ZBTB20: variants seen among roughly 807,000 people sequenced by gnomAD.
ZBTB20 encodes zinc finger and BTB domain containing 20.
A neutral mutation model predicts 56.9 loss-of-function variants in ZBTB20; 9 were observed. The ratio of observed to expected loss-of-function variants is 0.16; its 90% confidence interval spans 0.10 to 0.28. The LOEUF (loss-of-function observed/expected upper bound fraction) is 0.28, where lower values mean the gene tolerates loss of function less well. Among genes scored for constraint, ZBTB20 ranks in the 10% least tolerant of loss-of-function variants. The pLI is 1.00. For missense variants in ZBTB20, 655 were observed against 1,003.0 expected, an observed-to-expected ratio of 0.65 and a Z score of 4.69; for synonymous variants, 417 against 420.7, an observed-to-expected ratio of 0.99 and a Z score of 0.11.
chr3:114,469,764 C>T (rs1373166584), intron 7 of ZBTB20, among the ~76,000 whole-genome samples: 1 of 152,182 alleles, frequency 6.6e-6, no homozygotes, highest in Non-Finnish European at 1.5e-5. Flanking sequence ...TATAACACTG[C>T]TTGTAATTCC....
chr3:114,764,566 T>G (rs3732481), intron 5 of ZBTB20, among the ~76,000 whole-genome samples: 23,070 of 152,160 alleles, frequency 0.15, 2,813 homozygotes, highest in African/African-American at 0.34. Flanking sequence ...TGCTCTAGTA[T>G]TATGTTTATT....
At chr3:114,764,884 C>T (rs78660378) in intron 5 of ZBTB20, among the ~76,000 whole-genome samples, 9,588 of 152,188 alleles carry the variant, frequency 0.063, 333 homozygotes, top group Middle Eastern at 0.13. Context: ...ATAAGGTACA[C>T]GCTGTTGCCC....
At chr3:114,815,903 C>G (rs2072882990) in intron 4 of ZBTB20, among the ~76,000 whole-genome samples, 1 of 150,700 alleles carries the variant, frequency 6.6e-6, no homozygotes, top group African/African-American at 2.4e-5. Flanking sequence ...AGATAACACT[C>G]TTTTTCTTTA....
chr3:115,039,994 T>C (rs1337527940), intron 2 of ZBTB20, among the ~76,000 whole-genome samples: 1 of 152,104 alleles, frequency 6.6e-6, no homozygotes, highest in Non-Finnish European at 1.5e-5. Context: ...ATGATAAGTA[T>C]GTGAGATGAT....
chr3:114,800,369 A>G (rs959702286), intron 5 of ZBTB20, among the ~76,000 whole-genome samples: 2 of 151,808 alleles, frequency 1.3e-5, no homozygotes, highest in African/African-American at 4.8e-5. Flanking sequence ...AGACGTTGAA[A>G]TCCCAAATGT....
At chr3:114,711,502 G>A (rs1477268673) in intron 5 of ZBTB20, among the ~76,000 whole-genome samples, 7 of 152,182 alleles carry the variant, frequency 4.6e-5, no homozygotes, top group Admixed American at 6.5e-5. Flanking sequence ...GCCAGTCTGG[G>A]AAACCACCTA....
Position 114,782,917 on chromosome 3 carries a change from C to T in ZBTB20, c.-343+18184G>A, listed in dbSNP as rs114403895. 5.0e-3 allele frequency among the ~76,000 whole-genome samples: 755 copies of T among 152,188 alleles called. 10 individuals carry two copies. The highest frequency in any genetic ancestry group is 0.018 in the African/African-American group (732 of 41,550). On this transcript the variant is annotated intron_variant, in intron 5 of 11. Transcript: ENST00000675478. Reference sequence around the variant, plus strand: ...ATTCCCAATATACTTGAAAAATTGGCTATTATTTGATGCATATATCCCTGT... The same window carrying T: ...ATTCCCAATATACTTGAAAAATTGGTTATTATTTGATGCATATATCCCTGT...
chr3:114,849,898 CTTTTT>C (rs34170211), intron 4 of ZBTB20, among the ~76,000 whole-genome samples: 1 of 114,868 alleles, frequency 8.7e-6, no homozygotes, highest in South Asian at 3.0e-4. Flanking sequence ...ATCAGGAAAT[CTTTTT>C]TTTTTTTTTT....
rs368863931 is a variant in ZBTB20, at chr3:114,718,624, C to T, written c.-342-25049G>A. The stretch of plus-strand genomic sequence containing the variant: ...CAAAGCCAAAATATATCCAAACCCA[C>T]TTTTGGAGAGAATCCCAATAACTTC... On this transcript the variant is annotated intron_variant, in intron 5 of 11. Transcript: ENST00000675478. Among the ~76,000 whole-genome samples, 8 of 152,176 alleles carry T rather than the reference C, an allele frequency of 5.3e-5. No homozygotes were observed. In the East Asian group the frequency reaches 1.4e-3, roughly 26 times the overall value.
At chr3:114,677,625 G>C (rs1358277484) in intron 6 of ZBTB20, among the ~76,000 whole-genome samples, 1 of 152,138 alleles carries the variant, frequency 6.6e-6, no homozygotes, top group Non-Finnish European at 1.5e-5. Context: ...TGGCAAAAAC[G>C]TTGGTGGCTG....
At chr3:114,760,161 C>A (rs941107179) in intron 5 of ZBTB20, among the ~76,000 whole-genome samples, 1 of 152,250 alleles carries the variant, frequency 6.6e-6, no homozygotes, top group East Asian at 1.9e-4. Context: ...TGTCCTTAAT[C>A]TTATATAAGA....
At position 115,087,325 on chromosome 3, in the gene ZBTB20, A is replaced by G. The variant is rs117353029; in HGVS notation, c.-702-15911T>C. Among the ~76,000 whole-genome samples, 77 of 151,936 alleles carry G rather than the reference A, an allele frequency of 5.1e-4. 1 individual carries two copies. The East Asian group carries it at 0.014, about 28-fold the overall frequency. On this transcript the variant is annotated intron_variant, in intron 1 of 11. Coordinates refer to ENST00000675478, the MANE Select transcript of ZBTB20 (RefSeq NM_001348800.3). The stretch of plus-strand genomic sequence containing the variant: ...TGAGCTCAGAACTATTTATTCAATG[A>G]CATTTCCTTTTTCCAGTTATATCTT...
At chr3:114,797,167 A>G (rs892558229) in intron 5 of ZBTB20, among the ~76,000 whole-genome samples, 1 of 151,764 alleles carries the variant, frequency 6.6e-6, no homozygotes, top group Non-Finnish European at 1.5e-5. Flanking sequence ...TAATTCTCAT[A>G]AGAAATACAC....
intron 5 of ZBTB20, among the ~76,000 whole-genome samples, chr3:114,773,734 A>G (rs2069382343): frequency 6.6e-6 from 1 of 152,200 alleles, no homozygotes. Context: ...TTAAGAAACA[A>G]TGAAAAAAAG....
intron 2 of ZBTB20, among the ~76,000 whole-genome samples, chr3:115,028,688 A>G (rs1333102203): frequency 6.6e-6 from 1 of 150,530 alleles, no homozygotes; most frequent in Non-Finnish European, 1.5e-5. Context: ...CCATTAGAAT[A>G]TCTACTAATA....
chr3:115,093,306 T>A lies in ZBTB20; in HGVS notation c.-702-21892A>T, dbSNP rs143540828. 3.6e-3 allele frequency among the ~76,000 whole-genome samples: 544 copies of A among 152,300 alleles called. 3 individuals are homozygous for A. The highest frequency in any genetic ancestry group is 0.011 in the African/African-American group (475 of 41,572). On this transcript the variant is annotated intron_variant, in intron 1 of 11. Transcript: ENST00000675478. Reference sequence around the variant, plus strand: ...GTGATATAAGTGAAACTACTGTGTATAGGCCGTACCACATCTTCATATCCA... The same window carrying A: ...GTGATATAAGTGAAACTACTGTGTAAAGGCCGTACCACATCTTCATATCCA...
intron 7 of ZBTB20, among the ~76,000 whole-genome samples, chr3:114,404,061 C>T (rs966470265): frequency 6.6e-6 from 1 of 152,206 alleles, no homozygotes; most frequent in Non-Finnish European, 1.5e-5. Context: ...CTTTCTCCTG[C>T]TCCGTGCCTA....
intron 6 of ZBTB20, chr3:114,687,114 T>C (rs1315942304): frequency 1.3e-5 from 2 of 152,050 alleles, no homozygotes; most frequent in East Asian, 3.9e-4. Flanking sequence ...AGTACATTGA[T>C]AGAGGACATA....
intron 2 of ZBTB20, among the ~76,000 whole-genome samples, chr3:115,013,240 A>G (rs1405182529): frequency 1.3e-5 from 2 of 151,784 alleles, no homozygotes; most frequent in Non-Finnish European, 2.9e-5. Context: ...TAGAAAATGA[A>G]GAAAATAATA....
Sources: allele counts gnomAD v4.1 joint callset (sites outside exome capture counted in the v4.1 genomes callset), GRCh38; gene constraint gnomAD v4.1.1; transcripts MANE v1.5; gene names NCBI Gene and HGNC (gene_info 2026-07-23, HGNC 2026-07-21).